AFF1: variants seen among roughly 807,000 people sequenced by gnomAD.
AFF1 encodes ALF transcription elongation factor 1, also known as AF4/FMR2 family member 1.
Under a neutral mutation model 121.7 loss-of-function variants are expected in AFF1, and 48 were observed. The ratio of observed to expected loss-of-function variants is 0.39; its 90% CI spans 0.31 to 0.50. AFF1 has a LOEUF of 0.50. AFF1 is among the 20% of genes least tolerant of loss of function. AFF1 has a pLI of 0.76. For missense variants in AFF1, 1,523 were observed against 1,511.7 expected (o/e 1.01, Z -0.12); for synonymous variants, 613 against 563.0 (o/e 1.09, Z -1.26).
At chr4:87,135,469 C>A in intron 20 of AFF1, 111 bp from the exon 21 acceptor site, 1 of 1,121,692 alleles carries the variant, frequency 8.9e-7, no homozygotes, top group Non-Finnish European at 1.2e-6. Context: ...TGATTAAGTG[C>A]AGAATATTGT....
At chr4:86,936,262 G>C (rs1442297465) in intron 1 of AFF1, 1 of 152,242 alleles carries the variant, frequency 6.6e-6, no homozygotes, top group Non-Finnish European at 1.5e-5. Context: ...CTTGGTGCAC[G>C]TTGCGGGGTG....
intron 7 of AFF1, 113 bp downstream of exon 7, chr4:87,091,942 G>A: frequency 1.4e-6 from 1 of 704,792 alleles, no homozygotes; most frequent in Non-Finnish European, 2.4e-6. Flanking sequence ...TTCCTATGTT[G>A]AAAGAATAGG....
At chr4:87,012,674 T>C (rs1234302756) in intron 2 of AFF1, among the ~76,000 whole-genome samples, 1 of 152,236 alleles carries the variant, frequency 6.6e-6, no homozygotes, top group Non-Finnish European at 1.5e-5. Flanking sequence ...GCAGGTAGAA[T>C]GCACAGTGTC....
chr4:87,122,954 G>A (rs975340797), intron 12 of AFF1, among the ~76,000 whole-genome samples: 1 of 150,320 alleles, frequency 6.7e-6, no homozygotes, highest in African/African-American at 2.4e-5. Flanking sequence ...GAGTGCAGTG[G>A]CGCAATCTCA....
At chr4:87,052,742 G>T (rs1731399377) in intron 4 of AFF1, among the ~76,000 whole-genome samples, 1 of 151,990 alleles carries the variant, frequency 6.6e-6, no homozygotes, top group Admixed American at 6.6e-5. Context: ...GTGGCTTGGG[G>T]TAGTAGCCAT....
At chr4:86,940,602 G>A (rs960778245) in intron 1 of AFF1, among the ~76,000 whole-genome samples, 1 of 151,974 alleles carries the variant, frequency 6.6e-6, no homozygotes, top group African/African-American at 2.4e-5. Context: ...TTTCACCCAT[G>A]TTGGCCAGGG....
chr4:87,011,148 C>T (rs1426215995), intron 2 of AFF1, among the ~76,000 whole-genome samples: 3 of 151,944 alleles, frequency 2.0e-5, no homozygotes, highest in Non-Finnish European at 4.4e-5. Context: ...CCTTCTCCAC[C>T]CTGGGGCAGG....
Position 87,047,519 on chromosome 4 carries a change from C to T in AFF1, c.984C>T (p.Thr328=), listed in dbSNP as rs1167601748. The T allele has an allele frequency of 6.2e-7, 1 of 1,614,066 alleles. No homozygotes were observed. Among genetic ancestry groups the T allele is most frequent in the Non-Finnish European group, 8.5e-7 (1 of 1,180,030 alleles). Residue 328 remains threonine, a synonymous_variant, in exon 4 of 21, where the codon ACC becomes ACT. Transcript: ENST00000395146. The part of the protein sequence containing the change: ...KPLPEDYRQQ[T]FEKTDLKVPA... ...TGCCGGAGGACTATCGACAGCAGAC[C>T]TTTGAAAAAACAGACTTGAAAGTGC... is the stretch of plus-strand genomic sequence containing the variant.
intron 2 of AFF1, among the ~76,000 whole-genome samples, chr4:86,974,326 T>G (rs541518653): frequency 3.6e-4 from 55 of 152,204 alleles, no homozygotes; most frequent in African/African-American, 1.3e-3. Flanking sequence ...TTTTTTGTAT[T>G]TTTAGTAGAG....
chr4:87,063,839 A>G (rs1379385125), intron 4 of AFF1, among the ~76,000 whole-genome samples: 2 of 152,188 alleles, frequency 1.3e-5, no homozygotes, highest in African/African-American at 4.8e-5. Context: ...GGAAAATTGT[A>G]TATTATCCAT....
intron 14 of AFF1, 58 bp from the exon 15 acceptor site, chr4:87,126,968 T>G: frequency 6.8e-7 from 1 of 1,468,500 alleles, no homozygotes; most frequent in Non-Finnish European, 9.5e-7. Flanking sequence ...GATGGTACTT[T>G]TAGGACAGTG....
chr4:87,125,944 TGC>T (rs1728195181), intron 13 of AFF1, among the ~76,000 whole-genome samples, 153 bp from the exon 14 acceptor site: 1 of 152,208 alleles, frequency 6.6e-6, no homozygotes, highest in Admixed American at 6.5e-5. Flanking sequence ...ATTTTTGAAA[TGC>T]CTCAAAAAGT....
At chr4:87,024,707 C>T (rs1372132235) in intron 2 of AFF1, among the ~76,000 whole-genome samples, 1 of 152,144 alleles carries the variant, frequency 6.6e-6, no homozygotes, top group African/African-American at 2.4e-5. Flanking sequence ...TCTCCTGCCT[C>T]AGCCTCCTGA....
chr4:87,127,164 CTT>C (rs1560657470), intron 15 of AFF1, 47 bp downstream of exon 15: 132 of 674,740 alleles, frequency 2.0e-4, no homozygotes, highest in East Asian at 2.6e-4. Context: ...TTTTGTTTTG[CTT>C]CCCCCCCCCA....
At chr4:87,091,873 T>C (rs575869191) in intron 7 of AFF1, 44 bp downstream of exon 7, 2 of 1,403,400 alleles carry the variant, frequency 1.4e-6, no homozygotes, top group Admixed American at 2.3e-5. Context: ...GAACAAAGCA[T>C]AGCTTTTACT....
intron 2 of AFF1, among the ~76,000 whole-genome samples, chr4:86,959,293 A>G (rs1210944214): frequency 6.6e-6 from 1 of 152,124 alleles, no homozygotes; most frequent in Non-Finnish European, 1.5e-5. Context: ...TTACAAGAGT[A>G]TATCATTTTG....
chr4:86,950,151 G>A (rs577753943), intron 2 of AFF1: 75 of 1,478,516 alleles, frequency 5.1e-5, no homozygotes, highest in Non-Finnish European at 7.0e-5. Context: ...CACCGGACAA[G>A]GCAGATGCTG....
At chr4:86,977,123 T>C (rs112658781) in intron 2 of AFF1, among the ~76,000 whole-genome samples, 5 of 152,128 alleles carry the variant, frequency 3.3e-5, no homozygotes, top group African/African-American at 1.2e-4. Flanking sequence ...CAGTAAGTAG[T>C]CCCCCCATAT....
intron 2 of AFF1, among the ~76,000 whole-genome samples, chr4:86,984,544 G>A (rs34077745): frequency 6.6e-6 from 1 of 151,878 alleles, no homozygotes; most frequent in South Asian, 2.1e-4. Flanking sequence ...GGCTAGTCTC[G>A]AACTCTGAGC....
Sources: gnomAD v4.1 joint callset for allele counts (sites outside exome capture counted in the v4.1 genomes callset) on GRCh38, gnomAD v4.1.1 for gene constraint, MANE v1.5 for transcripts, NCBI Gene and HGNC (gene_info 2026-07-23, HGNC 2026-07-21) for gene names.